Variants in LARGE1 observed in about 807,000 individuals in gnomAD.
LARGE1 encodes the protein xylosyl- and glucuronyltransferase LARGE1.
In LARGE1, 43 loss-of-function variants were observed where a neutral mutation model predicts 87.6. The ratio of observed to expected loss-of-function variants is 0.49; its 90% CI spans 0.38 to 0.63. The LOEUF (loss-of-function observed/expected upper bound fraction) is 0.63, where lower values mean the gene tolerates loss of function less well. Among genes scored for constraint, LARGE1 ranks in the 30% least tolerant of loss-of-function variants. The probability of loss-of-function intolerance (pLI) is 0.00; values close to 1 mark genes in which losing one functional copy is unlikely to be tolerated. For missense variants in LARGE1, 802 were observed against 1,000.2 expected (o/e 0.80, Z 2.67); for synonymous variants, 434 against 394.6 (o/e 1.10, Z -1.18).
the LARGE1 span, among the ~76,000 whole-genome samples, chr22:33,080,826 C>A: frequency 6.6e-6 from 1 of 152,270 alleles, no homozygotes; most frequent in East Asian, 1.9e-4. Flanking sequence ...AGGCACTGAA[C>A]CTCGGTTCAG....
intron 11 of LARGE1, among the ~76,000 whole-genome samples, chr22:33,218,825 A>T (rs1046205661): frequency 6.6e-6 from 1 of 152,204 alleles, no homozygotes; most frequent in Non-Finnish European, 1.5e-5. Context: ...CATTGCCATA[A>T]TATAGAGTGG....
intron 6 of LARGE1, among the ~76,000 whole-genome samples, chr22:33,556,564 G>GAGGCAGGC (rs1170450606): frequency 1.3e-4 from 8 of 59,952 alleles, no homozygotes; most frequent in Non-Finnish European, 2.4e-4. Flanking sequence ...GGGAGGGAGG[G>GAGGCAGGC]AGGCAGGCAG....
intron 2 of LARGE1, among the ~76,000 whole-genome samples, chr22:33,714,483 A>G (rs1273694323): frequency 6.6e-6 from 1 of 152,226 alleles, no homozygotes; most frequent in African/African-American, 2.4e-5. Flanking sequence ...ATGAGATAAA[A>G]GACAACACAT....
intron 6 of LARGE1, among the ~76,000 whole-genome samples, chr22:33,484,664 A>T (rs113208815): frequency 2.0e-5 from 3 of 152,110 alleles, no homozygotes; most frequent in African/African-American, 2.4e-5. Context: ...GAGTCAATTA[A>T]TGGTTGCTTT....
At chr22:33,072,983 C>G in the LARGE1 span, among the ~76,000 whole-genome samples, 1 of 152,146 alleles carries the variant, frequency 6.6e-6, no homozygotes, top group South Asian at 2.1e-4. Context: ...GGGAGAAAAC[C>G]AGTTTTTCCT....
At chr22:33,630,695 A>T (rs902163278) in intron 3 of LARGE1, among the ~76,000 whole-genome samples, 2 of 152,214 alleles carry the variant, frequency 1.3e-5, no homozygotes, top group African/African-American at 4.8e-5. Context: ...AAGAATGTGA[A>T]GGCCTAGGAC....
intron 1 of LARGE1, among the ~76,000 whole-genome samples, chr22:33,829,013 T>A (rs988221737): frequency 1.4e-5 from 2 of 140,904 alleles, no homozygotes; most frequent in Non-Finnish European, 3.0e-5. Context: ...TTTCTTTTTT[T>A]TTTTTTTTTT....
chr22:33,261,849 T>C (rs1927643904), intron 11 of LARGE1, among the ~76,000 whole-genome samples: 1 of 152,244 alleles, frequency 6.6e-6, no homozygotes, highest in South Asian at 2.1e-4. Context: ...CAGCAACCAG[T>C]TGCAGTGCTG....
At chr22:33,712,924 G>A (rs955353163) in intron 2 of LARGE1, among the ~76,000 whole-genome samples, 21 of 152,046 alleles carry the variant, frequency 1.4e-4, no homozygotes, top group East Asian at 5.8e-4. Context: ...ATTTGTCAAC[G>A]GTGAGGACGA....
At chr22:33,448,979 A>G (rs1470883304) in intron 6 of LARGE1, among the ~76,000 whole-genome samples, 2 of 152,210 alleles carry the variant, frequency 1.3e-5, no homozygotes, top group Non-Finnish European at 2.9e-5. Flanking sequence ...CTAGAATTTC[A>G]TAAAAATAGA....
chr22:33,234,086 CAA>C (rs1568984080), intron 11 of LARGE1, among the ~76,000 whole-genome samples: 1 of 152,236 alleles, frequency 6.6e-6, no homozygotes, highest in African/African-American at 2.4e-5. Context: ...AATTAATCTA[CAA>C]AAGTCTTGCT....
chr22:33,788,515 G>A (rs2085723355), intron 1 of LARGE1, among the ~76,000 whole-genome samples: 1 of 152,208 alleles, frequency 6.6e-6, no homozygotes, highest in Non-Finnish European at 1.5e-5. Flanking sequence ...GGAGGGCTCA[G>A]AAGAGGACAG....
At chr22:33,490,833 T>TGAGCTGCA (rs2069807967) in intron 6 of LARGE1, among the ~76,000 whole-genome samples, 1 of 152,390 alleles carries the variant, frequency 6.6e-6, no homozygotes, top group East Asian at 1.9e-4. Flanking sequence ...CCGGTGACCA[T>TGAGCTGCA]GAGCTGCAGA....
At chr22:33,866,313 G>A (rs2064102488) in intron 1 of LARGE1, among the ~76,000 whole-genome samples, 1 of 152,150 alleles carries the variant, frequency 6.6e-6, no homozygotes, top group African/African-American at 2.4e-5. Context: ...CCCAGTATGG[G>A]AGTCACAACC....
intron 11 of LARGE1, among the ~76,000 whole-genome samples, chr22:33,197,324 G>A (rs1924133199): frequency 6.6e-6 from 1 of 151,874 alleles, no homozygotes; most frequent in Non-Finnish European, 1.5e-5. Context: ...AAAACAAAGA[G>A]CACAAATGTT....
intron 1 of LARGE1, among the ~76,000 whole-genome samples, chr22:33,816,682 A>AGATG: frequency 7.6e-6 from 1 of 130,970 alleles, no homozygotes; most frequent in Non-Finnish European, 1.6e-5. Context: ...ATGGATAGAT[A>AGATG]GATAGATAGA....
chr22:33,540,754 T>C (rs932738271), intron 6 of LARGE1, among the ~76,000 whole-genome samples: 2 of 152,072 alleles, frequency 1.3e-5, no homozygotes, highest in African/African-American at 4.8e-5. Context: ...GCATCATTAT[T>C]CTTCACGTGC....
intron 1 of LARGE1, among the ~76,000 whole-genome samples, chr22:33,870,353 G>A (rs893233495): frequency 1.3e-5 from 2 of 152,186 alleles, no homozygotes; most frequent in Non-Finnish European, 2.9e-5. Flanking sequence ...GTTTGTTATG[G>A]CAGCCTTCGG....
chr22:33,450,632 TAAATAAATGG>T (rs750968028), intron 6 of LARGE1, among the ~76,000 whole-genome samples: 4 of 71,080 alleles, frequency 5.6e-5, no homozygotes, highest in African/African-American at 1.5e-4. Context: ...AATAAATAAA[TAAATAAATGG>T]ATCTCAATAT....
Sources: allele counts gnomAD v4.1 joint callset (sites outside exome capture counted in the v4.1 genomes callset), GRCh38; gene constraint gnomAD v4.1.1; transcripts MANE v1.5; gene names NCBI Gene and HGNC (gene_info 2026-07-23, HGNC 2026-07-21).